Variants in GRID2 observed in about 807,000 individuals in gnomAD.
GRID2 encodes the protein glutamate ionotropic receptor delta type subunit 2, also known as glutamate receptor ionotropic, delta-2.
Under a neutral mutation model 114.8 loss-of-function variants are expected in GRID2, and 33 were observed. The observed-to-expected ratio is 0.29, with a 90% CI of 0.22 to 0.38. The LOEUF (loss-of-function observed/expected upper bound fraction) is 0.38, where lower values mean the gene tolerates loss of function less well. Among genes scored for constraint, GRID2 ranks in the 10% least tolerant of loss-of-function variants. GRID2 has a pLI of 1.00. For synonymous variants in GRID2, 505 were observed against 449.9 expected, an observed-to-expected ratio of 1.12 and a Z score of -1.55; for missense variants, 1,184 against 1,257.7, an observed-to-expected ratio of 0.94 and a Z score of 0.89.
In GRID2 at chr4:93,354,880, T is replaced by C. The variant is rs114932939; in HGVS notation, c.1246-40727T>C. Among the ~76,000 whole-genome samples, 1,294 of 148,500 alleles carry C rather than the reference T, an allele frequency of 8.7e-3. 13 individuals carry two copies. The highest frequency in any genetic ancestry group is 0.013 in the Non-Finnish European group (876 of 67,286). On this transcript the variant is annotated intron_variant, in intron 8 of 15. Coordinates refer to ENST00000282020, the MANE Select transcript of GRID2 (RefSeq NM_001510.4). ...GGCCTGTAAAGTGACCCTAGACATA[T>C]TGTGTTGAAGACCTAAATGCCTACT...
intron 1 of GRID2, among the ~76,000 whole-genome samples, chr4:92,331,669 T>G (rs1415690364): frequency 6.6e-6 from 1 of 152,198 alleles, no homozygotes; most frequent in Non-Finnish European, 1.5e-5. Context: ...TGCTACTGTT[T>G]AGAGAGCAGA....
chr4:93,614,171 C>T (rs965395486), intron 13 of GRID2, among the ~76,000 whole-genome samples: 35 of 152,186 alleles, frequency 2.3e-4, no homozygotes, highest in Admixed American at 8.5e-4. Context: ...TGCTTCAGCT[C>T]GCGCACGGTG....
chr4:93,707,159 G>GT (rs940034476), intron 14 of GRID2, among the ~76,000 whole-genome samples: 1 of 152,040 alleles, frequency 6.6e-6, no homozygotes, highest in African/African-American at 2.4e-5. Flanking sequence ...TTGGCCAGTA[G>GT]TTTTCCCTTT....
At chr4:92,985,615 C>CA (rs1234677180) in intron 2 of GRID2, among the ~76,000 whole-genome samples, 1 of 151,976 alleles carries the variant, frequency 6.6e-6, no homozygotes, top group African/African-American at 2.4e-5. Context: ...GAAAGCATGA[C>CA]AAAAAAATGA....
intron 2 of GRID2, among the ~76,000 whole-genome samples, chr4:92,952,483 A>T (rs188210520): frequency 8.5e-5 from 13 of 152,294 alleles, no homozygotes; most frequent in Non-Finnish European, 1.8e-4. Context: ...TTTTTGCAGA[A>T]ATATTTCATA....
At chr4:92,662,347 A>G (rs1166120585) in intron 2 of GRID2, among the ~76,000 whole-genome samples, 1 of 150,998 alleles carries the variant, frequency 6.6e-6, no homozygotes, top group Non-Finnish European at 1.5e-5. Flanking sequence ...AAAATGACCA[A>G]AAGGATTCTT....
intron 13 of GRID2, among the ~76,000 whole-genome samples, chr4:93,549,531 A>C (rs968138395): frequency 1.3e-5 from 2 of 152,220 alleles, no homozygotes; most frequent in African/African-American, 2.4e-5. Context: ...TACAAAAGTA[A>C]TAAGGGAAAT....
intron 2 of GRID2, among the ~76,000 whole-genome samples, chr4:92,908,284 A>C (rs927150719): frequency 1.6e-4 from 25 of 152,176 alleles, no homozygotes; most frequent in Admixed American, 5.9e-4. Flanking sequence ...GAATTATAGC[A>C]TCAACTATTT....
chr4:93,337,980 G>A (rs545872999), intron 8 of GRID2, among the ~76,000 whole-genome samples: 2 of 152,150 alleles, frequency 1.3e-5, no homozygotes, highest in East Asian at 1.9e-4. Flanking sequence ...GAACTCTTAG[G>A]TTTTAGTTTT....
At chr4:93,197,497 C>T (rs560618519) in intron 4 of GRID2, among the ~76,000 whole-genome samples, 81 of 152,060 alleles carry the variant, frequency 5.3e-4, no homozygotes, top group Non-Finnish European at 1.0e-3. Flanking sequence ...AAGCACTCAA[C>T]AAATATTAGC....
chr4:92,900,194 G>A lies in GRID2; in HGVS notation c.245-184801G>A, dbSNP rs142411172. 3.9e-5 allele frequency among the ~76,000 whole-genome samples: 6 copies of A among 152,266 alleles called. No homozygotes were observed. The East Asian group carries it at 1.2e-3, about 29-fold the overall frequency. ...AGTGACACAAAGTGGCTTTTAACAA[G>A]ATCATTCTGGTTTCTCAGTTTACAG... On this transcript the variant is annotated intron_variant, in intron 2 of 15. Transcript: ENST00000282020.
chr4:92,753,181 C>T lies in GRID2; in HGVS notation c.244+162895C>T, dbSNP rs555564271. ...AATAATTGAAACCAATAAATATCAC[C>T]ATCTGTGGACATATCAGGTATTGTC... On this transcript the variant is annotated intron_variant, in intron 2 of 15. Coordinates refer to ENST00000282020, the MANE Select transcript of GRID2 (RefSeq NM_001510.4). Among the ~76,000 whole-genome samples, 4 of 152,184 alleles carry T rather than the reference C, an allele frequency of 2.6e-5. No homozygotes were observed. In the South Asian group the frequency reaches 8.3e-4, roughly 32 times the overall value.
chr4:93,161,757 A>T (rs1196167901), intron 4 of GRID2, among the ~76,000 whole-genome samples: 1 of 151,794 alleles, frequency 6.6e-6, no homozygotes, highest in African/African-American at 2.4e-5. Flanking sequence ...TTTATTTTTA[A>T]TATAGCAAAA....
intron 2 of GRID2, among the ~76,000 whole-genome samples, chr4:93,075,647 T>A (rs893721836): frequency 2.0e-5 from 3 of 152,128 alleles, no homozygotes; most frequent in Admixed American, 1.3e-4. Context: ...CAAAATCTTA[T>A]GTATTTCCAT....
At chr4:93,502,280 G>C (rs1243233367) in intron 12 of GRID2, among the ~76,000 whole-genome samples, 2 of 152,002 alleles carry the variant, frequency 1.3e-5, no homozygotes, top group Non-Finnish European at 2.9e-5. Context: ...TTTTAAAAAA[G>C]TGATCCAATT....
chr4:92,772,160 T>A (rs77692974), intron 2 of GRID2, among the ~76,000 whole-genome samples: 1,776 of 152,280 alleles, frequency 0.012, 16 homozygotes, highest in Non-Finnish European at 0.018. Context: ...ATCTGATTGG[T>A]TGAATTTATC....
intron 1 of GRID2, among the ~76,000 whole-genome samples, chr4:92,489,716 C>T (rs924518494): frequency 2.6e-5 from 4 of 151,716 alleles, no homozygotes; most frequent in Admixed American, 6.6e-5. Flanking sequence ...GGTGGTGGTG[C>T]GCGCCTGTAA....
At chr4:92,862,544 C>T (rs1048042275) in intron 2 of GRID2, among the ~76,000 whole-genome samples, 2 of 151,976 alleles carry the variant, frequency 1.3e-5, no homozygotes, top group Non-Finnish European at 2.9e-5. Flanking sequence ...AAAGTAAAAA[C>T]AATATGAAAT....
intron 2 of GRID2, among the ~76,000 whole-genome samples, chr4:92,987,445 G>T (rs1435953982): frequency 6.6e-6 from 1 of 152,066 alleles, no homozygotes; most frequent in Admixed American, 6.6e-5. Context: ...ATGTTGTGGG[G>T]GTGGGAGGAG....
Sources: gnomAD v4.1 joint callset for allele counts (sites outside exome capture counted in the v4.1 genomes callset) on GRCh38, gnomAD v4.1.1 for gene constraint, MANE v1.5 for transcripts, NCBI Gene and HGNC (gene_info 2026-07-23, HGNC 2026-07-21) for gene names.